Variants in FLNB observed in about 807,000 individuals in gnomAD.
FLNB encodes filamin-B.
A neutral mutation model predicts 250.6 loss-of-function variants in FLNB; 111 were observed. The observed-to-expected ratio is 0.44, with a 90% CI of 0.38 to 0.52. FLNB has a LOEUF of 0.52. Ranked by LOEUF, FLNB falls within the 20% of genes least tolerant of loss-of-function variation. The pLI is 0.00. For missense variants in FLNB, 2,869 were observed against 3,447.8 expected, an observed-to-expected ratio of 0.83 and a Z score of 4.20; for synonymous variants, 1,302 against 1,372.1, an observed-to-expected ratio of 0.95 and a Z score of 1.13.
intron 24 of FLNB, among the ~76,000 whole-genome samples, chr3:58,129,438 A>G (rs929344887): frequency 3.3e-5 from 5 of 152,298 alleles, no homozygotes; most frequent in African/African-American, 1.2e-4. Flanking sequence ...GCTCTGACTT[A>G]AAGATTGGCC....
intron 1 of FLNB, among the ~76,000 whole-genome samples, chr3:58,041,941 C>A (rs570788131): frequency 3.0e-4 from 46 of 152,270 alleles, no homozygotes; most frequent in African/African-American, 1.0e-3. Context: ...GCCCTCTTTG[C>A]TTTCTTTTTA....
At chr3:58,148,447 G>T in intron 35 of FLNB, 83 bp downstream of exon 35, 1 of 1,498,882 alleles carries the variant, frequency 6.7e-7, no homozygotes, top group Non-Finnish European at 9.1e-7. Flanking sequence ...CTTGGGAATG[G>T]GTAGCACAAT....
At chr3:58,166,203 C>T (rs1044587643) in intron 43 of FLNB, 3 of 152,240 alleles carry the variant, frequency 2.0e-5, no homozygotes, top group Non-Finnish European at 4.4e-5. Context: ...GCTCTTGTCC[C>T]ATAACCCCTG....
At chr3:58,043,150 T>G (rs1359575244) in intron 1 of FLNB, among the ~76,000 whole-genome samples, 5 of 147,588 alleles carry the variant, frequency 3.4e-5, no homozygotes, top group Non-Finnish European at 7.5e-5. Flanking sequence ...CCTTTTTTTT[T>G]TTTTTTTTTT....
chr3:58,123,138 C>T lies in FLNB; in HGVS notation c.3172C>T (p.Pro1058Ser). The change falls in exon 21 of 46, where the codon CCT becomes TCT. Residue 1058 changes from proline to serine, a missense_variant. Around this residue, in one of 5 missense-constraint regions of FLNB, gnomAD observed 1,348 missense variants for 1,466.7 expected, o/e 0.92. Transcript: ENST00000295956. ...PGLEGGLVGKPAEFTIDTKGA... is the reference protein window; with the variant it reads ...PGLEGGLVGKSAEFTIDTKGA... ...CCTCGAAGGTGGTCTCGTGGGCAAG[C>T]CTGCCGAGTTCACCATCGATACCAA... The T allele has an allele frequency of 6.2e-7, 1 of 1,614,194 alleles. No homozygotes were observed. The highest frequency in any genetic ancestry group is 8.5e-7 in the Non-Finnish European group (1 of 1,180,022).
At chr3:58,063,991 C>T (rs2097181963) in intron 1 of FLNB, among the ~76,000 whole-genome samples, 1 of 151,922 alleles carries the variant, frequency 6.6e-6, no homozygotes, top group Admixed American at 6.6e-5. Flanking sequence ...TTTAAAAGGT[C>T]CTCAATGTCT....
intron 18 of FLNB, among the ~76,000 whole-genome samples, chr3:58,112,688 C>G (rs868602865): frequency 6.6e-6 from 1 of 152,342 alleles, no homozygotes; most frequent in Admixed American, 6.5e-5. Context: ...TGCATTCCCT[C>G]GCGGCCTCAC....
rs372344879 is a variant in FLNB, at chr3:58,153,631, G to A, written c.6624G>A (p.Ala2208=). 3.8e-5 allele frequency: 62 copies of A among 1,613,940 alleles called. No individual in the cohort carries two copies. Among genetic ancestry groups the A allele is most frequent in the South Asian group, 1.2e-4 (11 of 91,080 alleles). ...AGGPGLERGE[A]GVPAEFSIWT... ...GCCCTGGCCTGGAGAGAGGAGAAGC[G>A]GGAGTCCCAGGTGAGCATTGCGGGC... Residue 2208 remains alanine, a synonymous_variant, in exon 39 of 46, where the codon GCG becomes GCA. Transcript: ENST00000295956.
At chr3:58,081,275 G>A (rs978848881) in intron 3 of FLNB, among the ~76,000 whole-genome samples, 9 of 152,068 alleles carry the variant, frequency 5.9e-5, no homozygotes, top group Non-Finnish European at 1.0e-4. Context: ...CTAATCCCAT[G>A]TGTGCTTGTT....
chr3:58,039,154 C>T (rs1454865179), intron 1 of FLNB, among the ~76,000 whole-genome samples: 1 of 141,528 alleles, frequency 7.1e-6, no homozygotes, highest in South Asian at 2.2e-4. Context: ...GCCAGGAGTT[C>T]AACACCAGCC....
rs567016018 is a variant in FLNB at position 58,031,007 on chromosome 3, T to A, written c.292+22151T>A. Among the ~76,000 whole-genome samples, 4 of 152,314 alleles carry A rather than the reference T, an allele frequency of 2.6e-5. No individual in the cohort carries two copies. The South Asian group carries it at 8.3e-4, about 32-fold the overall frequency. ...TCCATATGCTATGATACCGTTTATA[T>A]GAAGTTTTACATATGTCATAAAAAT... On this transcript the variant is annotated intron_variant, in intron 1 of 45. Coordinates refer to ENST00000295956, the MANE Select transcript of FLNB (RefSeq NM_001457.4).
intron 1 of FLNB, among the ~76,000 whole-genome samples, chr3:58,068,312 A>G (rs980433130): frequency 6.6e-6 from 1 of 152,162 alleles, no homozygotes; most frequent in Admixed American, 6.5e-5. Flanking sequence ...AAGGCCCTGG[A>G]GAAAAGCCCT....
At chr3:58,128,449 C>A (rs1239370050) in intron 24 of FLNB, among the ~76,000 whole-genome samples, 2 of 152,130 alleles carry the variant, frequency 1.3e-5, no homozygotes. Context: ...CAGCTGTGGG[C>A]AAGACAAAGT....
Position 58,008,722 on chromosome 3 carries a change from TG to T in FLNB, c.159del (p.Leu54SerfsTer54). ...AGCGACGGGCTGCGGCTCATCGCGC[TG>T]CTCGAGGTGCTCAGCCAGAAGCGCA... ...DLSDGLRLIA[L>X]LEVLSQKRMY... On this transcript the variant is annotated frameshift_variant, in exon 1 of 46. Coordinates refer to ENST00000295956, the MANE Select transcript of FLNB (RefSeq NM_001457.4). LOFTEE classifies it high-confidence loss of function. 1 of 1,614,178 alleles carries T rather than the reference TG, an allele frequency of 6.2e-7. No individual in the cohort carries two copies. Among genetic ancestry groups the T allele is most frequent in the Non-Finnish European group, 8.5e-7 (1 of 1,180,040 alleles).
intron 21 of FLNB, among the ~76,000 whole-genome samples, chr3:58,123,918 A>G (rs1040584972): frequency 6.6e-6 from 1 of 152,048 alleles, no homozygotes; most frequent in Admixed American, 6.6e-5. Flanking sequence ...CTGTTTCTCC[A>G]TGGGGAACAG....
Position 58,136,167 on chromosome 3 carries a change from G to A in FLNB, c.4860G>A (p.Thr1620=), listed in dbSNP as rs755494114. Residue 1620 remains threonine, a splice_region_variant and synonymous_variant, in exon 28 of 46, where the codon ACG becomes ACA. Transcript: ENST00000295956. ...QTGDASKCLA[T]GPGIASTVKT... is the part of the protein sequence containing the mutation. ...GTGATGCCAGCAAGTGCCTGGCCAC[G>A]GGTGAGTACAGGGCATCTCAAGGTC... The A allele has an allele frequency of 7.4e-6, 12 of 1,614,002 alleles. No homozygotes were observed. The East Asian group carries it at 1.1e-4, about 15-fold the overall frequency.
At chr3:58,037,666 G>T (rs1305631944) in intron 1 of FLNB, among the ~76,000 whole-genome samples, 1 of 152,182 alleles carries the variant, frequency 6.6e-6, no homozygotes, top group African/African-American at 2.4e-5. Context: ...CCATGATTCT[G>T]TTTATGACCC....
chr3:58,058,605 T>C (rs903298743), intron 1 of FLNB, among the ~76,000 whole-genome samples: 2 of 152,214 alleles, frequency 1.3e-5, no homozygotes, highest in African/African-American at 4.8e-5. Flanking sequence ...TCATAAACAC[T>C]GGCTAAGGAT....
chr3:58,146,894 A>G lies in FLNB; in HGVS notation c.5629A>G (p.Thr1877Ala), dbSNP rs201030123. Residue 1877 changes from threonine to alanine, a missense_variant, in exon 34 of 46, where the codon ACA becomes GCA. By Grantham distance (58) the Thr-to-Ala change is moderately conservative. Around this residue, in one of 5 missense-constraint regions of FLNB, gnomAD observed 1,084 missense variants for 1,315.5 expected, o/e 0.82. Transcript: ENST00000295956. ...CATTGACAATAAAGATGGGACATGC[A>G]CAGTGACCTACCTGCCGACTCTGCC... ...SCIDNKDGTC[T>A]VTYLPTLPGD... The G allele has an allele frequency of 2.8e-5, 46 of 1,614,194 alleles. No individual in the cohort carries two copies. The highest frequency in any genetic ancestry group is 1.7e-5 in the Admixed American group (1 of 60,018).
Sources: allele counts gnomAD v4.1 joint callset (sites outside exome capture counted in the v4.1 genomes callset), GRCh38; gene constraint gnomAD v4.1.1; regional missense constraint gnomAD v4.1.1; transcripts MANE v1.5; gene names NCBI Gene and HGNC (gene_info 2026-07-23, HGNC 2026-07-21).